HERC1: variants seen among roughly 807,000 people sequenced by gnomAD.
HERC1 encodes the protein probable E3 ubiquitin-protein ligase HERC1.
A neutral mutation model predicts 554.3 loss-of-function variants in HERC1; 160 were observed. That is an observed-to-expected ratio of 0.29 (90% CI 0.25 to 0.33). The LOEUF (loss-of-function observed/expected upper bound fraction) is 0.33. HERC1 is among the 10% of genes least tolerant of loss of function. The pLI is 1.00. For missense variants in HERC1, 4,919 were observed against 5,918.5 expected (o/e 0.83, Z 5.54); for synonymous variants, 2,175 against 2,131.7 (o/e 1.02, Z -0.56).
Position 63,758,344 on chromosome 15 carries a change from G to T in HERC1, c.1052C>A (p.Ser351Ter), listed in dbSNP as rs775881894. ...EEVCRMASDY[S>*]RTCASPDSIQ... is the part of the protein sequence containing the mutation. ...GCTATCTGGGCTAGCACATGTTCTC[G>T]AATAATCAGAAGCCATTCTGCAAAC... Residue 351 changes from serine (S) to a stop codon, truncating the protein, a stop_gained, in exon 4 of 78, where the codon TCG becomes TAG. Transcript: ENST00000443617. LOFTEE classifies it high-confidence loss of function. The surrounding 1 kb of genome is among the most constrained non-coding windows in gnomAD (Gnocchi z 4.0). 1 of 1,592,452 alleles carries T rather than the reference G, an allele frequency of 6.3e-7. No individual in the cohort carries two copies. The highest frequency in any genetic ancestry group is 8.6e-7 in the Non-Finnish European group (1 of 1,162,676).
rs558424855 is a variant in HERC1 at position 63,663,567 on chromosome 15, T to C, written c.8681-363A>G. Among the ~76,000 whole-genome samples the C allele has an allele frequency of 3.3e-5, 5 of 152,344 alleles. No homozygotes were observed. The South Asian group carries it at 6.2e-4, about 19-fold the overall frequency. Reference sequence around the variant, plus strand: ...AACCCCTGGGCTCAAGACATCCTCCTGTCTCAGCCTCTGAGTAGCTAGGAC... The same window carrying C: ...AACCCCTGGGCTCAAGACATCCTCCCGTCTCAGCCTCTGAGTAGCTAGGAC... On this transcript the variant is annotated intron_variant, in intron 43 of 77. Coordinates refer to ENST00000443617, the MANE Select transcript of HERC1 (RefSeq NM_003922.4).
chr15:63,767,109 C>G (rs1199148099), intron 2 of HERC1, among the ~76,000 whole-genome samples: 1 of 151,404 alleles, frequency 6.6e-6, no homozygotes, highest in African/African-American at 2.4e-5. Flanking sequence ...TTAAGCAATT[C>G]CCCTGCCTCA....
chr15:63,636,137 C>T lies in HERC1; in HGVS notation c.12238G>A (p.Val4080Met). Residue 4080 changes from valine to methionine, a missense_variant, in exon 65 of 78, where the codon GTG (valine) becomes ATG (methionine). This residue lies in a region of HERC1 where 122 missense variants were observed against 195.2 expected (regional missense o/e 0.63). Transcript: ENST00000443617. Reference protein sequence around the residue: ...LTVISALQGFVVTQLVTSCGS... With the variant: ...LTVISALQGFMVTQLVTSCGS... ...CAGGAAGTCACCAGCTGGGTCACCACAAAGCCTGGAACAGAACAGAAACCC... is the reference window on the plus strand; with the variant it reads ...CAGGAAGTCACCAGCTGGGTCACCATAAAGCCTGGAACAGAACAGAAACCC... The T allele has an allele frequency of 1.2e-6, 2 of 1,613,750 alleles. No homozygotes were observed. The highest frequency in any genetic ancestry group is 1.7e-6 in the Non-Finnish European group (2 of 1,179,840).
intron 14 of HERC1, 26 bp from the exon 15 acceptor site, chr15:63,729,675 A>G: frequency 6.2e-7 from 1 of 1,610,428 alleles, no homozygotes; most frequent in Non-Finnish European, 8.5e-7. Flanking sequence ...AAGGAAGTTT[A>G]TATTTGAAGT....
intron 73 of HERC1, 26 bp downstream of exon 73, chr15:63,623,699 C>G (rs1172168706): frequency 6.2e-7 from 1 of 1,610,608 alleles, no homozygotes; most frequent in East Asian, 2.2e-5. Context: ...CTAGATAACT[C>G]AGCAGGGGAC....
At chr15:63,665,855 T>A in intron 42 of HERC1, 64 bp downstream of exon 42, 1 of 1,162,756 alleles carries the variant, frequency 8.6e-7, no homozygotes, top group Non-Finnish European at 1.3e-6. Context: ...TGACGGGATA[T>A]ATAATAAATG....
intron 14 of HERC1, 99 bp from the exon 15 acceptor site, chr15:63,729,748 T>C (rs1305482413): frequency 1.4e-5 from 16 of 1,180,942 alleles, no homozygotes; most frequent in African/African-American, 1.5e-5. Context: ...ATGGGCTGGG[T>C]GCGGTGACTC....
intron 31 of HERC1, among the ~76,000 whole-genome samples, chr15:63,691,988 C>T (rs1656520977): frequency 6.6e-6 from 1 of 152,166 alleles, no homozygotes; most frequent in Non-Finnish European, 1.5e-5. Context: ...TTCTATAGAA[C>T]TGTGATAAAT....
At chr15:63,723,919 C>G (rs2073929430) in intron 18 of HERC1, among the ~76,000 whole-genome samples, 1 of 152,154 alleles carries the variant, frequency 6.6e-6, no homozygotes, top group African/African-American at 2.4e-5. Context: ...ATTCATTTCA[C>G]ATTTAAAAAT....
chr15:63,680,231 AT>A lies in HERC1; in HGVS notation c.6466-72del. ...TTTTTAATTCACAATATCTAACCAC[AT>A]TAGAATTGAAAGCTTTTATGAGACA... On this transcript the variant is annotated intron_variant, in intron 35 of 77. Coordinates refer to ENST00000443617, the MANE Select transcript of HERC1 (RefSeq NM_003922.4). This position sits in a 1 kb window ranked among gnomAD's most constrained non-coding sequence, Gnocchi z 5.8. 8.7e-7 allele frequency: 1 copy of A among 1,154,708 alleles called. No individual in the cohort carries two copies. Among genetic ancestry groups the A allele is most frequent in the Non-Finnish European group, 1.3e-6 (1 of 789,624 alleles). The allele number at this position is 1,154,708 out of a possible 1,614,324, so 71.5% of individuals were successfully genotyped here. A position where few individuals can be genotyped will look rare whatever the true frequency, so the allele number is the denominator to read the frequency against.
rs1240785672 is a variant in HERC1, at chr15:63,680,152, T to C, written c.6474A>G (p.Lys2158=). 1 of 1,612,948 alleles carries C rather than the reference T, an allele frequency of 6.2e-7. No individual in the cohort carries two copies. Among genetic ancestry groups the C allele is most frequent in the African/African-American group, 1.3e-5 (1 of 74,890 alleles). Residue 2158 remains lysine, a synonymous_variant, in exon 36 of 78, where the codon AAA becomes AAG. Coordinates refer to ENST00000443617, the MANE Select transcript of HERC1 (RefSeq NM_003922.4). The surrounding 1 kb of genome is among the most constrained non-coding windows in gnomAD (Gnocchi z 5.8). ...CTGCATCCACATCTTCAAAAGCTAA[T>C]TTGGGTTCCTACAGTGTGGCAGCAG... ...ISFGKNGEEP[K]LAFEDVDAAE... is the part of the protein sequence containing the mutation.
chr15:63,723,532 C>T (rs1328854256), intron 18 of HERC1, among the ~76,000 whole-genome samples, 177 bp from the exon 19 acceptor site: 1 of 152,152 alleles, frequency 6.6e-6, no homozygotes, highest in Non-Finnish European at 1.5e-5. Context: ...AACCCTTTTA[C>T]ATTCTCCAAA....
At chr15:63,754,433 A>G (rs956991110) in intron 7 of HERC1, 72 bp downstream of exon 7, 3 of 1,294,592 alleles carry the variant, frequency 2.3e-6, no homozygotes, top group East Asian at 4.8e-5. Flanking sequence ...CTAGGCATAT[A>G]TAACTGAAAA....
intron 30 of HERC1, among the ~76,000 whole-genome samples, chr15:63,693,233 G>A (rs908646092): frequency 8.0e-6 from 1 of 124,784 alleles, no homozygotes; most frequent in Non-Finnish European, 1.7e-5. Context: ...TTGGTGCTGG[G>A]GAATTTTCTT....
intron 31 of HERC1, among the ~76,000 whole-genome samples, chr15:63,691,880 G>A (rs964038223): frequency 2.6e-5 from 4 of 152,278 alleles, no homozygotes; most frequent in East Asian, 3.9e-4. Flanking sequence ...TTCACGTTAC[G>A]TGCATTTTAC....
intron 48 of HERC1, among the ~76,000 whole-genome samples, chr15:63,657,897 A>T (rs1269835077): frequency 6.6e-6 from 1 of 152,060 alleles, no homozygotes; most frequent in Non-Finnish European, 1.5e-5. Context: ...GCCTTTCTCT[A>T]TTGCTCTACA....
chr15:63,734,643 G>A lies in HERC1; in HGVS notation c.2646+81C>T. 8.4e-7 allele frequency: 1 copy of A among 1,188,582 alleles called. No homozygotes were observed. Among genetic ancestry groups the A allele is most frequent in the East Asian group, 2.7e-5 (1 of 37,306 alleles). 73.6% of individuals were successfully genotyped at this position (1,188,582 alleles called of 1,614,324 possible). On this transcript the variant is annotated intron_variant, in intron 13 of 77. Transcript: ENST00000443617. This position sits in a 1 kb window ranked among gnomAD's most constrained non-coding sequence, Gnocchi z 4.6. Reference sequence around the variant, plus strand: ...AGTACTTATGCTCCAAGAACACATGGCAATTTATTAGTTTTATTTCCTTCT... The same window carrying A: ...AGTACTTATGCTCCAAGAACACATGACAATTTATTAGTTTTATTTCCTTCT...
chr15:63,709,329 G>GTT (rs963955783), intron 24 of HERC1, among the ~76,000 whole-genome samples: 11 of 151,176 alleles, frequency 7.3e-5, no homozygotes, highest in Admixed American at 2.6e-4. Flanking sequence ...TTAAAAATGG[G>GTT]TTTTTTTTTA....
At chr15:63,617,224 T>C (rs960970668) in intron 74 of HERC1, among the ~76,000 whole-genome samples, 15 of 152,210 alleles carry the variant, frequency 9.9e-5, no homozygotes, top group East Asian at 3.8e-4. Context: ...TGTGTTCTCA[T>C]TGTTCAATTC....
Sources: allele counts gnomAD v4.1 joint callset (sites outside exome capture counted in the v4.1 genomes callset), GRCh38; gene constraint gnomAD v4.1.1; regional missense constraint gnomAD v4.1.1; non-coding constraint Gnocchi (gnomAD v3.1); transcripts MANE v1.5; gene names NCBI Gene and HGNC (gene_info 2026-07-23, HGNC 2026-07-21).